The following FOXJ3 variants were observed in gnomAD, a reference collection of about 807,000 sequenced individuals.
FOXJ3 encodes forkhead box protein J3.
In FOXJ3, 22 loss-of-function variants were observed where a neutral mutation model predicts 76.1. That is an observed-to-expected ratio of 0.29 (90% confidence interval 0.21 to 0.41). FOXJ3 has a LOEUF of 0.41. Among genes scored for constraint, FOXJ3 ranks in the 10% least tolerant of loss-of-function variants. The probability of loss-of-function intolerance (pLI) is 1.00; values close to 1 mark genes in which losing one functional copy is unlikely to be tolerated. For missense variants in FOXJ3, 613 were observed against 762.1 expected, an observed-to-expected ratio of 0.80 and a Z score of 2.30; for synonymous variants, 269 against 261.2, an observed-to-expected ratio of 1.03 and a Z score of -0.29.
chr1:42,292,955 G>T (rs1274968192), intron 2 of FOXJ3, among the ~76,000 whole-genome samples: 2 of 152,008 alleles, frequency 1.3e-5, no homozygotes, highest in African/African-American at 4.8e-5. Context: ...ACAAAAATTA[G>T]CCAGGTGTGG....
intron 12 of FOXJ3, 143 bp from the exon 13 acceptor site, chr1:42,179,968 T>A (rs1250541347): frequency 6.7e-6 from 4 of 594,720 alleles, no homozygotes; most frequent in Admixed American, 2.8e-5. Flanking sequence ...GTGGCTCTTA[T>A]GATCCTTATT....
intron 1 of FOXJ3, among the ~76,000 whole-genome samples, chr1:42,323,497 C>A (rs1342512478): frequency 1.3e-5 from 2 of 152,064 alleles, no homozygotes; most frequent in Admixed American, 1.3e-4. Context: ...ATTGTGCTTC[C>A]TCATTTCTAA....
intron 6 of FOXJ3, among the ~76,000 whole-genome samples, chr1:42,200,134 C>T (rs1292062748): frequency 6.6e-6 from 1 of 151,876 alleles, no homozygotes; most frequent in Non-Finnish European, 1.5e-5. Context: ...CCAGAAACCA[C>T]ACTTTGAGAA....
At chr1:42,294,393 TACCTA>T (rs774878511) in intron 2 of FOXJ3, among the ~76,000 whole-genome samples, 16 of 152,162 alleles carry the variant, frequency 1.1e-4, no homozygotes, top group Non-Finnish European at 2.4e-4. Flanking sequence ...TCAAGCTGTT[TACCTA>T]AATTTTCTCC....
At chr1:42,189,705 C>T (rs17376918) in intron 9 of FOXJ3, 21,907 of 263,502 alleles carry the variant, frequency 0.083, 1,216 homozygotes, top group Middle Eastern at 0.14. Flanking sequence ...CTAGCAGTTT[C>T]CAAATTGCCA....
At chr1:42,312,270 C>T (rs1048658947) in intron 1 of FOXJ3, among the ~76,000 whole-genome samples, 3 of 152,188 alleles carry the variant, frequency 2.0e-5, no homozygotes, top group African/African-American at 7.2e-5. Flanking sequence ...GTTGCCCAGG[C>T]TGATCTTGAA....
At chr1:42,222,023 G>A (rs12074612) in intron 5 of FOXJ3, among the ~76,000 whole-genome samples, 1,818 of 3,252 alleles carry the variant, frequency 0.56, 783 homozygotes, top group East Asian at 0.84. Flanking sequence ...AAGGAGAAGG[G>A]GGAGGGGGAG....
chr1:42,320,428 A>C (rs1395474027), intron 1 of FOXJ3, among the ~76,000 whole-genome samples: 1 of 152,164 alleles, frequency 6.6e-6, no homozygotes, highest in Non-Finnish European at 1.5e-5. Flanking sequence ...TCAAAAACTT[A>C]ACTACCTAAT....
At chr1:42,228,113 A>C in intron 4 of FOXJ3, 147 bp from the exon 5 acceptor site, 1 of 408,246 alleles carries the variant, frequency 2.4e-6, no homozygotes, top group African/African-American at 2.0e-5. Context: ...AACTGAGAAA[A>C]AGATTATATA....
Position 42,188,719 on chromosome 1 carries a change from A to C in FOXJ3, c.1645+18T>G. ...AATGAGAAAATGAGAAAAATCAAGA[A>C]GATAACTAACCCCATACCTGTTCCA... On this transcript the variant is annotated intron_variant, in intron 11 of 12. Transcript: ENST00000361346. The C allele has an allele frequency of 7.0e-7, 1 of 1,437,792 alleles. No homozygotes were observed. The highest frequency in any genetic ancestry group is 1.6e-5 in the South Asian group (1 of 62,316). The allele number at this position is 1,437,792 out of a possible 1,614,324, so 89.1% of individuals were successfully genotyped here. A position where few individuals can be genotyped will look rare whatever the true frequency, so the allele number is the denominator to read the frequency against.
At chr1:42,235,547 C>T (rs1648543621) in intron 4 of FOXJ3, among the ~76,000 whole-genome samples, 1 of 149,686 alleles carries the variant, frequency 6.7e-6, no homozygotes, top group East Asian at 1.9e-4. Context: ...CTTGGCTCCA[C>T]CCGTTTTTTT....
At chr1:42,194,412 C>G (rs985313342) in intron 8 of FOXJ3, among the ~76,000 whole-genome samples, 8 of 152,178 alleles carry the variant, frequency 5.3e-5, no homozygotes, top group Non-Finnish European at 1.2e-4. Flanking sequence ...AATGACCTAG[C>G]GTTTACTAGT....
At chr1:42,272,757 AG>A (rs1420780342) in intron 3 of FOXJ3, among the ~76,000 whole-genome samples, 2 of 152,240 alleles carry the variant, frequency 1.3e-5, no homozygotes, top group Non-Finnish European at 2.9e-5. Context: ...AAATGAAGCC[AG>A]ACAAGTTAAT....
chr1:42,277,458 C>T (rs1405101064), intron 3 of FOXJ3, among the ~76,000 whole-genome samples: 15 of 150,818 alleles, frequency 9.9e-5, no homozygotes, highest in Non-Finnish European at 1.6e-4. Flanking sequence ...GTCAGGAGAT[C>T]GAGACCACCC....
intron 1 of FOXJ3, among the ~76,000 whole-genome samples, chr1:42,311,928 TGGGA>T (rs1013288169): frequency 7.2e-5 from 11 of 152,150 alleles, no homozygotes; most frequent in Non-Finnish European, 1.5e-4. Context: ...ATGGAGCACA[TGGGA>T]GGGTATCAAT....
intron 5 of FOXJ3, among the ~76,000 whole-genome samples, chr1:42,214,237 C>T (rs1032519294): frequency 2.0e-5 from 3 of 152,098 alleles, no homozygotes; most frequent in Non-Finnish European, 4.4e-5. Context: ...AGAGTAAAGG[C>T]ACTCTCTTCA....
In FOXJ3 at chr1:42,181,758, G is replaced by T. The variant is rs918604842; in HGVS notation, c.1753+159C>A. 3.3e-5 allele frequency among the ~76,000 whole-genome samples: 5 copies of T among 151,776 alleles called. No homozygotes were observed. In the East Asian group the frequency reaches 9.7e-4, roughly 29 times the overall value. On this transcript the variant is annotated intron_variant, in intron 12 of 12. Transcript: ENST00000361346. ...TAACGCTTCTCAATATTAAACTCTG[G>T]GTAACAACTGACACACACACATGCT...
intron 11 of FOXJ3, among the ~76,000 whole-genome samples, chr1:42,186,552 G>A (rs1235041483): frequency 1.3e-5 from 2 of 152,040 alleles, no homozygotes; most frequent in Non-Finnish European, 2.9e-5. Flanking sequence ...CAGAATCACA[G>A]AACACCAGAA....
intron 5 of FOXJ3, among the ~76,000 whole-genome samples, chr1:42,223,008 T>C (rs1419619631): frequency 6.6e-6 from 1 of 152,240 alleles, no homozygotes; most frequent in Non-Finnish European, 1.5e-5. Context: ...TAGTTTATCT[T>C]TCTTAAAATA....
Sources: allele counts gnomAD v4.1 joint callset (sites outside exome capture counted in the v4.1 genomes callset), GRCh38; gene constraint gnomAD v4.1.1; transcripts MANE v1.5; gene names NCBI Gene and HGNC (gene_info 2026-07-23, HGNC 2026-07-21).